Variants in FMN1 observed in about 807,000 individuals in gnomAD.
FMN1 encodes formin-1.
FMN1 carries 110 observed loss-of-function variants against 132.4 expected under a neutral mutation model. That is an observed-to-expected ratio of 0.83 (90% CI 0.71 to 0.97). The LOEUF is 0.97. Among genes scored for constraint, FMN1 ranks in the 50% least tolerant of loss-of-function variants. FMN1 has a pLI of 0.00. For missense variants in FMN1, 1,792 were observed against 1,705.3 expected (o/e 1.05, Z -0.90); for synonymous variants, 722 against 651.7 (o/e 1.11, Z -1.64).
chr15:32,796,111 T>C (rs927337477), intron 19 of FMN1, among the ~76,000 whole-genome samples: 3 of 152,234 alleles, frequency 2.0e-5, no homozygotes, highest in African/African-American at 4.8e-5. Context: ...GTTATGAAGA[T>C]GCATTCATCT....
intron 10 of FMN1, among the ~76,000 whole-genome samples, chr15:32,914,391 A>G (rs1283166262): frequency 1.3e-5 from 2 of 152,210 alleles, no homozygotes; most frequent in African/African-American, 2.4e-5. Context: ...AGCAGCAGAT[A>G]ATAGGCTCAC....
chr15:33,043,850 T>C (rs558367319), intron 6 of FMN1, among the ~76,000 whole-genome samples: 1 of 152,088 alleles, frequency 6.6e-6, no homozygotes, highest in Admixed American at 6.5e-5. Context: ...GGCATCCCCA[T>C]GCTCTTGAGG....
Position 33,190,710 on chromosome 15 carries a change from T to C in FMN1, c.-197+3199A>G, listed in dbSNP as rs545177506. 2.6e-5 allele frequency among the ~76,000 whole-genome samples: 4 copies of C among 152,302 alleles called. No individual in the cohort carries two copies. In the South Asian group the frequency reaches 8.3e-4, roughly 32 times the overall value. ...AAAACATGAACTAGAGCACTCATAC[T>C]GGAAGGCCTGTGGCAGGGGTGTGAG... On this transcript the variant is annotated intron_variant, in intron 2 of 20. Coordinates refer to ENST00000616417, the MANE Select transcript of FMN1 (RefSeq NM_001277313.2).
intron 4 of FMN1, among the ~76,000 whole-genome samples, chr15:33,121,864 G>A (rs1279263224): frequency 1.3e-5 from 2 of 152,032 alleles, no homozygotes; most frequent in Non-Finnish European, 2.9e-5. Flanking sequence ...TGAATTTTAG[G>A]AATTTGAAAA....
chr15:33,089,071 C>CAAAG, intron 4 of FMN1, 97 bp from the exon 5 acceptor site: 1 of 920,386 alleles, frequency 1.1e-6, no homozygotes, highest in South Asian at 2.0e-5. Flanking sequence ...CTTCTCTATG[C>CAAAG]TAGCTCTTAC....
At chr15:33,020,120 G>A (rs906283220) in intron 6 of FMN1, among the ~76,000 whole-genome samples, 1 of 152,240 alleles carries the variant, frequency 6.6e-6, no homozygotes, top group Non-Finnish European at 1.5e-5. Flanking sequence ...TGGGGGTTGT[G>A]AGAACCCCTA....
chr15:32,934,106 T>G (rs2061195188), intron 9 of FMN1, among the ~76,000 whole-genome samples: 1 of 152,212 alleles, frequency 6.6e-6, no homozygotes, highest in Non-Finnish European at 1.5e-5. Context: ...GCTTTGATTC[T>G]TTTCTTTTTG....
At position 32,774,341 on chromosome 15, in the gene FMN1, C is replaced by T. The variant is rs767520219; in HGVS notation, c.4229G>A (p.Arg1410His). The T allele has an allele frequency of 1.8e-5, 29 of 1,599,388 alleles. No individual in the cohort carries two copies. The highest frequency in any genetic ancestry group is 4.5e-5 in the East Asian group (2 of 44,674). The change falls in exon 21 of 21, where the codon CGT (arginine) becomes CAT (histidine). Residue 1410 changes from arginine to histidine, a missense_variant. Around this residue, in one of 3 missense-constraint regions of FMN1, gnomAD observed 1,150 missense variants for 1,043.1 expected, o/e 1.10. Transcript: ENST00000616417. The part of the protein sequence containing the change: ...NPTASLKERL[R>H]QKEASVTTN ...AGTGGTCACACTGGCTTCCTTCTGA[C>T]GCAGTCTTTCTTTCTGTTAAGGAAA...
In FMN1 at chr15:32,766,656, C is replaced by T. The variant is rs28595770; in HGVS notation, c.*7654G>A. 36,879 of 151,364 alleles carry T rather than the reference C, an allele frequency of 0.24. 5,259 individuals are homozygous for T. Among genetic ancestry groups the T allele is most frequent in the Middle Eastern group, 0.35 (102 of 294 alleles). 9.4% of individuals were successfully genotyped at this position (151,364 alleles called of 1,614,324 possible). On this transcript the variant is annotated 3_prime_UTR_variant, in exon 21 of 21. Transcript: ENST00000616417. ...TGCTGACATTAACAAGAGGCAGTCA[C>T]AGCAGTGTGTCTCACATGGGCTCCT...
intron 16 of FMN1, among the ~76,000 whole-genome samples, chr15:32,864,731 T>C (rs963935217): frequency 6.6e-6 from 1 of 152,188 alleles, no homozygotes; most frequent in Non-Finnish European, 1.5e-5. Flanking sequence ...AGTGCCTTTT[T>C]ATAGACAAAC....
intron 4 of FMN1, among the ~76,000 whole-genome samples, chr15:33,094,076 A>C (rs1475388823): frequency 6.6e-6 from 1 of 152,128 alleles, no homozygotes; most frequent in Admixed American, 6.6e-5. Context: ...CCAGATGAGA[A>C]TATTGAGGGC....
At chr15:32,901,568 T>C (rs558091103) in intron 13 of FMN1, among the ~76,000 whole-genome samples, 123 of 152,302 alleles carry the variant, frequency 8.1e-4, no homozygotes, top group African/African-American at 2.8e-3. Context: ...TCAAGCAAAA[T>C]CTCTTCTGCA....
chr15:32,849,788 C>G (rs574347898), intron 17 of FMN1, among the ~76,000 whole-genome samples: 2 of 152,248 alleles, frequency 1.3e-5, no homozygotes, highest in Admixed American at 1.3e-4. Context: ...TCCAGAGCAG[C>G]TGGGATTACA....
chr15:33,133,523 T>C (rs1963636812), intron 4 of FMN1, among the ~76,000 whole-genome samples: 1 of 152,218 alleles, frequency 6.6e-6, no homozygotes, highest in Non-Finnish European at 1.5e-5. Context: ...CTGGTGCCCA[T>C]TAGCTACTTG....
rs909547782 is a variant in FMN1 at position 33,128,870 on chromosome 15, C to T, written c.1867+24178G>A. ...AACCGGAGCAGACTGCAGAGGCCTG[C>T]GTGCGTGGCCAGCTTTTATTCCCTT... On this transcript the variant is annotated intron_variant, in intron 4 of 20. Transcript: ENST00000616417. Among the ~76,000 whole-genome samples the T allele has an allele frequency of 1.1e-4, 16 of 152,182 alleles. 1 individual carries two copies. In the East Asian group the frequency reaches 1.3e-3, roughly 13 times the overall value.
rs2060228421 is a variant in FMN1 at position 32,899,018 on chromosome 15, G to A, written c.3655-125C>T. ...GAAAACTGGCTTTCTCTTCGATGCTGGCAAGGTTTTCCTTCCTCTGCTTTA... is the reference window on the plus strand; with the variant it reads ...GAAAACTGGCTTTCTCTTCGATGCTAGCAAGGTTTTCCTTCCTCTGCTTTA... On this transcript the variant is annotated intron_variant, in intron 14 of 20. Transcript: ENST00000616417. 6.1e-6 allele frequency: 4 copies of A among 657,704 alleles called. No individual in the cohort carries two copies. In the East Asian group the frequency reaches 7.9e-5, roughly 13 times the overall value. The allele number at this position is 657,704 out of a possible 1,614,324, so 40.7% of individuals were successfully genotyped here.
chr15:33,070,446 T>C (rs2037955027), intron 5 of FMN1, among the ~76,000 whole-genome samples: 1 of 151,236 alleles, frequency 6.6e-6, no homozygotes. Flanking sequence ...AACTAATTAT[T>C]GATTTCTGGA....
At chr15:33,096,541 G>A (rs922516510) in intron 4 of FMN1, among the ~76,000 whole-genome samples, 2 of 151,936 alleles carry the variant, frequency 1.3e-5, no homozygotes, top group East Asian at 3.9e-4. Flanking sequence ...CATTAGTACT[G>A]AGAAGGAGTC....
intron 16 of FMN1, 92 bp downstream of exon 16, chr15:32,888,080 C>T: frequency 8.9e-7 from 1 of 1,122,580 alleles, no homozygotes; most frequent in Non-Finnish European, 1.2e-6. Flanking sequence ...TGCACCAATC[C>T]CACTCTATGA....
Sources: gnomAD v4.1 joint callset for allele counts (sites outside exome capture counted in the v4.1 genomes callset) on GRCh38, gnomAD v4.1.1 for gene constraint, gnomAD v4.1.1 regional missense constraint, MANE v1.5 for transcripts, NCBI Gene and HGNC (gene_info 2026-07-23, HGNC 2026-07-21) for gene names.